Variants in PUDP observed in about 807,000 individuals in gnomAD.
PUDP encodes the protein pseudouridine 5'-phosphatase, also known as pseudouridine-5'-phosphatase.
Under a neutral mutation model 9.4 loss-of-function variants are expected in PUDP, and 8 were observed. That is an observed-to-expected ratio of 0.85 (90% CI 0.50 to 1.53). PUDP has a LOEUF of 1.53. Ranked by LOEUF, PUDP falls within the 40% of genes most tolerant of loss-of-function variation. The pLI is 0.00. For missense variants in PUDP, 188 were observed against 189.7 expected (o/e 0.99, Z 0.05); for synonymous variants, 99 against 80.7 (o/e 1.23, Z -1.22).
chrX:6,812,149 G>A (rs144254999), intron 3 of PUDP, among the ~76,000 whole-genome samples: 51 of 112,032 alleles, frequency 4.6e-4, no homozygotes, highest in African/African-American at 1.5e-3. Flanking sequence ...GGTGAGTATC[G>A]AGACTGTAAA....
At chrX:7,020,922 G>A (rs867888749) in intron 1 of PUDP, among the ~76,000 whole-genome samples, 8 of 112,614 alleles carry the variant, frequency 7.1e-5, no homozygotes, top group Middle Eastern at 4.6e-3. Context: ...CTTCACCACC[G>A]TGGACTGGCC....
chrX:7,086,307 A>T (rs1473520728), intron 2 of PUDP, among the ~76,000 whole-genome samples: 4 of 112,592 alleles, frequency 3.6e-5, no homozygotes, highest in African/African-American at 1.3e-4. Flanking sequence ...CCCAAAGCAT[A>T]TAGTATTCAC....
chrX:6,809,224 G>C (rs1380043072), intron 3 of PUDP, among the ~76,000 whole-genome samples: 1 of 111,157 alleles, frequency 9.0e-6, no homozygotes, highest in African/African-American at 3.3e-5. Flanking sequence ...GGAGAAGAGA[G>C]ACCACAGGGG....
chrX:6,811,617 C>T (rs1361809399), intron 3 of PUDP, among the ~76,000 whole-genome samples: 6 of 79,370 alleles, frequency 7.6e-5, no homozygotes, highest in South Asian at 8.4e-4. Flanking sequence ...AGCCATCACG[C>T]CTGGCCTTTT....
At chrX:6,845,750 T>C (rs1359987090) in intron 3 of PUDP, among the ~76,000 whole-genome samples, 1 of 112,359 alleles carries the variant, frequency 8.9e-6, no homozygotes, top group Non-Finnish European at 1.9e-5. Context: ...TCCTGTGAAA[T>C]AGCAAATAGT....
chrX:6,939,402 A>G (rs1027161836), intron 3 of PUDP, among the ~76,000 whole-genome samples: 2 of 107,251 alleles, frequency 1.9e-5, no homozygotes, highest in Non-Finnish European at 3.8e-5. Flanking sequence ...TAATATTATT[A>G]ATCTATTTAA....
At chrX:6,881,499 C>G (rs1044190082) in intron 3 of PUDP, among the ~76,000 whole-genome samples, 14 of 111,705 alleles carry the variant, frequency 1.3e-4, no homozygotes, top group Non-Finnish European at 2.6e-4. Flanking sequence ...GTGAGGATTT[C>G]CACTTTGTAT....
At chrX:6,743,410 G>A (rs1371061531) in intron 3 of PUDP, among the ~76,000 whole-genome samples, 1 of 111,840 alleles carries the variant, frequency 8.9e-6, no homozygotes, top group East Asian at 2.8e-4. Flanking sequence ...AAAGGGTTTG[G>A]GGTGGTGGGT....
intron 3 of PUDP, among the ~76,000 whole-genome samples, chrX:6,757,183 T>G (rs1242645656): frequency 9.0e-6 from 1 of 111,381 alleles, no homozygotes; most frequent in Admixed American, 9.6e-5. Flanking sequence ...TTCATGTAAA[T>G]TGGAAGTAGA....
At chrX:6,775,873 C>T (rs1313143085) in intron 3 of PUDP, among the ~76,000 whole-genome samples, 2 of 111,595 alleles carry the variant, frequency 1.8e-5, no homozygotes, top group African/African-American at 3.3e-5. Flanking sequence ...TCTGCTGGTG[C>T]CTTGATCTTT....
intron 3 of PUDP, among the ~76,000 whole-genome samples, chrX:6,737,626 G>A (rs1421971048): frequency 9.1e-6 from 1 of 110,369 alleles, no homozygotes; most frequent in African/African-American, 3.3e-5. Flanking sequence ...AGTAGGAGGT[G>A]GGGCCACAGA....
chrX:6,881,670 CT>C (rs1392814003), intron 3 of PUDP, among the ~76,000 whole-genome samples: 1 of 111,530 alleles, frequency 9.0e-6, no homozygotes, highest in African/African-American at 3.3e-5. Context: ...TAACAAGTGC[CT>C]GCTTAAGAGA....
At chrX:6,904,104 A>T (rs1194536541) in intron 3 of PUDP, among the ~76,000 whole-genome samples, 1 of 108,695 alleles carries the variant, frequency 9.2e-6, no homozygotes, top group Non-Finnish European at 1.9e-5. Context: ...GGCACCCGCC[A>T]CCGTGCCCAG....
chrX:6,794,068 A>G (rs1925797989), intron 3 of PUDP, among the ~76,000 whole-genome samples: 1 of 112,031 alleles, frequency 8.9e-6, no homozygotes, highest in African/African-American at 3.2e-5. Context: ...CCTAGCTGTT[A>G]GAGGAAATGT....
intron 3 of PUDP, among the ~76,000 whole-genome samples, chrX:6,818,132 G>C (rs1376420137): frequency 1.8e-5 from 2 of 111,012 alleles, no homozygotes; most frequent in Admixed American, 1.9e-4. Flanking sequence ...TTGATGTTTA[G>C]ACACACACAG....
intron 1 of PUDP, among the ~76,000 whole-genome samples, chrX:7,005,630 G>A (rs938344822): frequency 9.1e-5 from 10 of 110,394 alleles, no homozygotes; most frequent in East Asian, 2.8e-4. Context: ...GGCTGGTCTC[G>A]AACTCCTGAA....
intron 1 of PUDP, among the ~76,000 whole-genome samples, chrX:7,012,581 A>T (rs1475489843): frequency 9.0e-6 from 1 of 111,377 alleles, no homozygotes; most frequent in Non-Finnish European, 1.9e-5. Context: ...TTAGATTAGG[A>T]AGAAAAGGGA....
intron 1 of PUDP, among the ~76,000 whole-genome samples, chrX:7,019,568 A>G (rs1477241856): frequency 1.8e-5 from 2 of 111,606 alleles, no homozygotes; most frequent in Admixed American, 9.5e-5. Flanking sequence ...AACATTTGCC[A>G]TCTATTCTCT....
At chrX:7,112,259 T>C (rs977838555) in intron 1 of PUDP, among the ~76,000 whole-genome samples, 17 of 112,048 alleles carry the variant, frequency 1.5e-4, no homozygotes, top group African/African-American at 5.2e-4. Flanking sequence ...GAAATACTAA[T>C]GGATTTGATT....
Sources: allele counts gnomAD v4.1 joint callset (sites outside exome capture counted in the v4.1 genomes callset), GRCh38; gene constraint gnomAD v4.1.1; transcripts MANE v1.5; gene names NCBI Gene and HGNC (gene_info 2026-07-23, HGNC 2026-07-21).